The following CEP120 variants were observed in gnomAD, a reference collection of about 807,000 sequenced individuals.
The protein encoded by CEP120 is centrosomal protein 120, also known as centrosomal protein of 120 kDa.
A neutral mutation model predicts 126.5 loss-of-function variants in CEP120; 113 were observed. The observed-to-expected ratio is 0.89, with a 90% CI of 0.77 to 1.04. CEP120 has a LOEUF of 1.04. CEP120 is among the 50% of genes least tolerant of loss of function. The pLI is 0.00. For synonymous variants in CEP120, 400 were observed against 394.3 expected (o/e 1.01, Z -0.17); for missense variants, 1,230 against 1,155.7 (o/e 1.06, Z -0.93).
chr5:123,379,590 G>A (rs552212174), intron 14 of CEP120, among the ~76,000 whole-genome samples: 2 of 151,922 alleles, frequency 1.3e-5, no homozygotes, highest in African/African-American at 4.8e-5. Flanking sequence ...ACCAATAATG[G>A]ATCACTTAGG....
At chr5:123,382,952 TA>T (rs754777445) in intron 12 of CEP120, 33 bp downstream of exon 12, 49 of 1,598,076 alleles carry the variant, frequency 3.1e-5, no homozygotes, top group Middle Eastern at 1.7e-4. Context: ...AGATTCCTTT[TA>T]AAAAAAATTT....
At chr5:123,391,378 T>A in intron 6 of CEP120, 41 bp from the exon 7 acceptor site, 1 of 1,386,446 alleles carries the variant, frequency 7.2e-7, no homozygotes, top group Non-Finnish European at 1.0e-6. Flanking sequence ...CTTTATACTT[T>A]CTCCTTTCTC....
At chr5:123,377,686 G>A in intron 15 of CEP120, 151 bp from the exon 16 acceptor site, 1 of 594,162 alleles carries the variant, frequency 1.7e-6, no homozygotes, top group Non-Finnish European at 2.8e-6. Flanking sequence ...TAATGTTCAA[G>A]TGTACCATTA....
chr5:123,362,120 G>A (rs1056056417), intron 18 of CEP120, among the ~76,000 whole-genome samples: 2 of 151,550 alleles, frequency 1.3e-5, no homozygotes, highest in African/African-American at 4.8e-5. Context: ...CAATTCCACA[G>A]GGACTCCTCT....
In CEP120 at chr5:123,345,426, T is replaced by G. The variant is rs1403736729; in HGVS notation, c.*1093A>C. 1 of 152,154 alleles carries G rather than the reference T, an allele frequency of 6.6e-6. No homozygotes were observed. The highest frequency in any genetic ancestry group is 1.9e-4 in the East Asian group (1 of 5,198). 9.4% of individuals were successfully genotyped at this position (152,154 alleles called of 1,614,324 possible). ...CTAAAGTATATACTTAATTTTAACT[T>G]TATTATATTTGGAAATCAGAACTTT... On this transcript the variant is annotated 3_prime_UTR_variant, in exon 20 of 20. Transcript: ENST00000306467.
Position 123,389,394 on chromosome 5 carries a change from G to C in CEP120, c.1255+530C>G, listed in dbSNP as rs146857125. ...ATGTCTATTGAATAGGATATTTCCAGTGTACAAGTAAAATAAAAAATTCTG... is the reference window on the plus strand; with the variant it reads ...ATGTCTATTGAATAGGATATTTCCACTGTACAAGTAAAATAAAAAATTCTG... On this transcript the variant is annotated intron_variant, in intron 8 of 19. Coordinates refer to ENST00000306467, the MANE Select transcript of CEP120 (RefSeq NM_001375405.1). Among the ~76,000 whole-genome samples, 34 of 152,292 alleles carry C rather than the reference G, an allele frequency of 2.2e-4. 2 individuals are homozygous for C. The East Asian group carries it at 6.5e-3, about 29-fold the overall frequency.
In CEP120 at chr5:123,346,526, C is replaced by T. The variant is rs780399076; in HGVS notation, c.2954G>A (p.Ser985Asn). 1.2e-5 allele frequency: 19 copies of T among 1,606,418 alleles called. No individual in the cohort carries two copies. The highest frequency in any genetic ancestry group is 3.3e-4 in the Middle Eastern group (2 of 6,038). ...IREILAKSNA[S>N]N ...AAGCTTTTCCAAATGTTATTAATTA[C>T]TGGCATTGCTTTTTGCCAAAATCTC... Residue 985 changes from serine to asparagine, a missense_variant, in exon 20 of 20, where the codon AGT becomes AAT. Coordinates refer to ENST00000306467, the MANE Select transcript of CEP120 (RefSeq NM_001375405.1).
At chr5:123,360,524 A>G (rs916994307) in intron 18 of CEP120, among the ~76,000 whole-genome samples, 8 of 152,066 alleles carry the variant, frequency 5.3e-5, no homozygotes, top group Non-Finnish European at 8.8e-5. Context: ...TTCATGGAGT[A>G]TAAGTTTCAG....
At position 123,352,887 on chromosome 5, in the gene CEP120, T is replaced by C. The variant is rs1424878871; in HGVS notation, c.2581-2798A>G. On this transcript the variant is annotated intron_variant, in intron 18 of 19. Coordinates refer to ENST00000306467, the MANE Select transcript of CEP120 (RefSeq NM_001375405.1). ...TAAGACTAACATATTTCTTTGATTA[T>C]ATTTTAGATGGTAGAGCTTTACAAT... 4.9e-5 allele frequency among the ~76,000 whole-genome samples: 6 copies of C among 122,200 alleles called. No individual in the cohort carries two copies. In the Admixed American group the frequency reaches 5.3e-4, roughly 11 times the overall value. The allele number at this position is 122,200 out of a possible 152,430, so 80.2% of individuals were successfully genotyped here.
intron 17 of CEP120, among the ~76,000 whole-genome samples, chr5:123,366,928 T>C (rs1770506846): frequency 6.6e-6 from 1 of 151,860 alleles, no homozygotes; most frequent in Non-Finnish European, 1.5e-5. Context: ...CCCTACTCCT[T>C]GCCCAATTTA....
At chr5:123,413,101 TCTC>T (rs1275995547) in intron 3 of CEP120, among the ~76,000 whole-genome samples, 1 of 151,828 alleles carries the variant, frequency 6.6e-6, no homozygotes, top group Non-Finnish European at 1.5e-5. Context: ...ACCCCGTCTG[TCTC>T]TACTAAAAAT....
intron 5 of CEP120, among the ~76,000 whole-genome samples, chr5:123,396,331 T>C (rs1772790138): frequency 6.6e-6 from 1 of 152,204 alleles, no homozygotes; most frequent in Non-Finnish European, 1.5e-5. Context: ...GTAGTATTGC[T>C]GATCATGTGG....
At chr5:123,390,494 C>T (rs1772321558) in intron 7 of CEP120, 2 of 318,858 alleles carry the variant, frequency 6.3e-6, no homozygotes, top group Admixed American at 4.3e-5. Context: ...TCTAGTATGA[C>T]TTTCCTTCTC....
Position 123,393,403 on chromosome 5 carries a change from T to C in CEP120, c.707A>G (p.Asn236Ser), listed in dbSNP as rs377748970. ...LGNDVTNEPF[N>S]DLINPNFEPE... ...CTCAAAGTTTGGGTTGATTAAATCA[T>C]TGAAGGGTTCATTTGTAACATCATT... is the stretch of plus-strand genomic sequence containing the variant. Residue 236 changes from asparagine to serine, a missense_variant, in exon 6 of 20, where the codon AAT becomes AGT. Asn to Ser is a conservative substitution (Grantham distance 46, BLOSUM62 1). Coordinates refer to ENST00000306467, the MANE Select transcript of CEP120 (RefSeq NM_001375405.1). 1.7e-5 allele frequency: 27 copies of C among 1,613,992 alleles called. No homozygotes were observed. The highest frequency in any genetic ancestry group is 4.5e-5 in the East Asian group (2 of 44,874).
intron 14 of CEP120, among the ~76,000 whole-genome samples, chr5:123,378,870 A>T (rs1771445690): frequency 6.6e-6 from 1 of 152,038 alleles, no homozygotes; most frequent in African/African-American, 2.4e-5. Flanking sequence ...CAAGAGAGTG[A>T]ATGACATCAT....
rs201602735 is a variant in CEP120, at chr5:123,399,106, G to GT, written c.612+29dup. On this transcript the variant is annotated intron_variant, in intron 5 of 19. Transcript: ENST00000306467. ...GTTTTACATAGTTTTCAAATTATTC[G>GT]TAAGTCACCAATCTCATGAAAAGTC... 1.1e-3 allele frequency: 1,635 copies of GT among 1,489,000 alleles called. 14 individuals carry two copies. The African/African-American group carries it at 0.018, about 17-fold the overall frequency. 92.2% of individuals were successfully genotyped at this position (1,489,000 alleles called of 1,614,324 possible).
intron 6 of CEP120, among the ~76,000 whole-genome samples, chr5:123,392,267 C>T (rs10900766): frequency 0.72 from 109,706 of 152,112 alleles, 39,770 homozygotes; most frequent in African/African-American, 0.78. Flanking sequence ...CAGAATAAAA[C>T]TCAAACTGCT....
chr5:123,406,943 G>C (rs534340615), intron 4 of CEP120, among the ~76,000 whole-genome samples: 2 of 151,684 alleles, frequency 1.3e-5, no homozygotes, highest in African/African-American at 4.8e-5. Context: ...TGATACAAGG[G>C]ACAAGAAGGA....
chr5:123,417,860 T>C (rs913888126), intron 2 of CEP120, among the ~76,000 whole-genome samples: 1 of 152,210 alleles, frequency 6.6e-6, no homozygotes, highest in African/African-American at 2.4e-5. Context: ...GGTTTCCTCA[T>C]CTATAATATG....
Sources: allele counts gnomAD v4.1 joint callset (sites outside exome capture counted in the v4.1 genomes callset), GRCh38; gene constraint gnomAD v4.1.1; transcripts MANE v1.5; gene names NCBI Gene and HGNC (gene_info 2026-07-23, HGNC 2026-07-21).